EPB41L2: variants seen among roughly 807,000 people sequenced by gnomAD.
EPB41L2 encodes the protein erythrocyte membrane protein band 4.1 like 2, also known as band 4.1-like protein 2.
Under a neutral mutation model 113.0 loss-of-function variants are expected in EPB41L2, and 43 were observed. That is an observed-to-expected ratio of 0.38 (90% CI 0.30 to 0.49). The LOEUF is 0.49. EPB41L2 is among the 20% of genes least tolerant of loss of function. EPB41L2 has a pLI of 0.95. For missense variants in EPB41L2, 1,147 were observed against 1,223.4 expected (o/e 0.94, Z 0.93); for synonymous variants, 442 against 436.7 (o/e 1.01, Z -0.15).
intron 1 of EPB41L2, among the ~76,000 whole-genome samples, chr6:131,057,833 C>G (rs1797884426): frequency 6.6e-6 from 1 of 152,212 alleles, no homozygotes; most frequent in African/African-American, 2.4e-5. Flanking sequence ...ACTACCCTAC[C>G]TGACCTAGGC....
At chr6:130,926,416 A>C (rs1804753299) in intron 4 of EPB41L2, among the ~76,000 whole-genome samples, 189 bp downstream of exon 4, 3 of 152,212 alleles carry the variant, frequency 2.0e-5, no homozygotes, top group Non-Finnish European at 4.4e-5. Flanking sequence ...ACACAAATAC[A>C]CATACACCAA....
intron 1 of EPB41L2, among the ~76,000 whole-genome samples, chr6:130,977,234 C>A (rs565098792): frequency 1.3e-5 from 2 of 152,268 alleles, no homozygotes; most frequent in East Asian, 3.9e-4. Context: ...CTACATATGA[C>A]TGAGCAAAAT....
At chr6:130,883,783 T>C (rs1293101187) in intron 12 of EPB41L2, among the ~76,000 whole-genome samples, 1 of 152,156 alleles carries the variant, frequency 6.6e-6, no homozygotes, top group Non-Finnish European at 1.5e-5. Context: ...TTATCTGAAT[T>C]CCCCACCAAA....
chr6:131,056,226 A>G (rs1349636963), intron 1 of EPB41L2, among the ~76,000 whole-genome samples: 1 of 152,232 alleles, frequency 6.6e-6, no homozygotes, highest in Non-Finnish European at 1.5e-5. Context: ...AAACATTGTC[A>G]ACAAAAATTC....
intron 19 of EPB41L2, among the ~76,000 whole-genome samples, chr6:130,841,668 A>T (rs753237691): frequency 1.6e-4 from 24 of 152,202 alleles, no homozygotes; most frequent in Non-Finnish European, 2.5e-4. Context: ...GAATAATCAG[A>T]GTGTGGTGGT....
chr6:130,957,406 A>G (rs1236889240), intron 1 of EPB41L2, among the ~76,000 whole-genome samples: 1 of 152,242 alleles, frequency 6.6e-6, no homozygotes, highest in Non-Finnish European at 1.5e-5. Context: ...CTGCGGAGAT[A>G]GCCGATCACA....
At chr6:130,847,607 A>G (rs371615756) in intron 19 of EPB41L2, among the ~76,000 whole-genome samples, 15 of 152,132 alleles carry the variant, frequency 9.9e-5, no homozygotes, top group African/African-American at 3.6e-4. Flanking sequence ...TCATCTGCCA[A>G]TTTTCTTGTT....
chr6:130,935,332 T>G (rs1808430644), intron 3 of EPB41L2, among the ~76,000 whole-genome samples: 1 of 152,178 alleles, frequency 6.6e-6, no homozygotes, highest in African/African-American at 2.4e-5. Context: ...ACTTGTTATA[T>G]AAGTAAGGCC....
chr6:130,862,321 G>A (rs531343342), intron 18 of EPB41L2, among the ~76,000 whole-genome samples: 4 of 152,252 alleles, frequency 2.6e-5, no homozygotes, highest in East Asian at 3.9e-4. Flanking sequence ...AAGAAACAAT[G>A]GCTGGGAGAA....
chr6:131,047,356 T>A (rs546796790), intron 1 of EPB41L2, among the ~76,000 whole-genome samples: 11 of 152,162 alleles, frequency 7.2e-5, no homozygotes, highest in Admixed American at 5.9e-4. Context: ...CTAAAAAAAA[T>A]ATTTAAAAAT....
intron 19 of EPB41L2, 59 bp downstream of exon 19, chr6:130,858,072 C>A (rs1221197229): frequency 7.0e-6 from 9 of 1,293,634 alleles, no homozygotes; most frequent in Non-Finnish European, 1.0e-5. Context: ...CATCCTTTCA[C>A]AAGTTCAGGA....
intron 1 of EPB41L2, among the ~76,000 whole-genome samples, chr6:130,980,091 T>C (rs573815022): frequency 6.6e-6 from 1 of 152,174 alleles, no homozygotes; most frequent in Admixed American, 6.5e-5. Flanking sequence ...CAAGGGCAGA[T>C]TGCTTCAGGG....
At position 130,926,653 on chromosome 6, in the gene EPB41L2, C is replaced by T; in HGVS notation, c.762G>A (p.Leu254=). The T allele has an allele frequency of 6.2e-7, 1 of 1,610,156 alleles. No individual in the cohort carries two copies. Among genetic ancestry groups the T allele is most frequent in the Non-Finnish European group, 8.5e-7 (1 of 1,179,140 alleles). The change falls in exon 4 of 20, where the codon TTG becomes TTA. Residue 254 remains leucine, a synonymous_variant. Transcript: ENST00000337057. Reference sequence around the variant, plus strand: ...ACAAAAGTCCAAAGTAGTCTTTCTCCAAGAGATTGAGGTGTTCACACACTT... The same window carrying T: ...ACAAAAGTCCAAAGTAGTCTTTCTCTAAGAGATTGAGGTGTTCACACACTT... ...FDKVCEHLNL[L]EKDYFGLLFQ... is the part of the protein sequence containing the mutation.
rs1788869944 is a variant in EPB41L2, at chr6:130,880,241, C to T, written c.1834-35G>A. The stretch of plus-strand genomic sequence containing the variant: ...TAAATCACACACAGGGGGGAAAAGG[C>T]AAATAAACATAAGTGTATCAATCAG... On this transcript the variant is annotated intron_variant, in intron 12 of 19. Transcript: ENST00000337057. 6.1e-6 allele frequency: 9 copies of T among 1,464,896 alleles called. No individual in the cohort carries two copies. The East Asian group carries it at 1.8e-4, about 30-fold the overall frequency. The allele number at this position is 1,464,896 out of a possible 1,614,324, so 90.7% of individuals were successfully genotyped here. A position where few individuals can be genotyped will look rare whatever the true frequency, so the allele number is the denominator to read the frequency against.
At chr6:130,844,721 A>G (rs1161827894) in intron 19 of EPB41L2, among the ~76,000 whole-genome samples, 1 of 152,066 alleles carries the variant, frequency 6.6e-6, no homozygotes, top group African/African-American at 2.4e-5. Flanking sequence ...TTTGATTTTA[A>G]TTTCTAAACA....
chr6:130,850,071 C>T (rs898566004), intron 19 of EPB41L2, among the ~76,000 whole-genome samples: 2 of 152,088 alleles, frequency 1.3e-5, no homozygotes, highest in Admixed American at 1.3e-4. Context: ...AACCCCGTCT[C>T]TACTAAAAAT....
intron 1 of EPB41L2, among the ~76,000 whole-genome samples, chr6:131,039,462 T>A (rs1338571660): frequency 6.6e-6 from 1 of 152,226 alleles, no homozygotes; most frequent in Non-Finnish European, 1.5e-5. Context: ...AACAGTTTTA[T>A]AGGTAGTAAA....
intron 1 of EPB41L2, among the ~76,000 whole-genome samples, chr6:131,026,913 A>T (rs1007188103): frequency 6.6e-6 from 1 of 152,060 alleles, no homozygotes; most frequent in Non-Finnish European, 1.5e-5. Flanking sequence ...AATGTTTCCC[A>T]GACTTCTTCC....
intron 1 of EPB41L2, among the ~76,000 whole-genome samples, chr6:130,979,492 CAAAAAAAA>C (rs34912861): frequency 2.8e-4 from 24 of 85,308 alleles, no homozygotes; most frequent in Non-Finnish European, 4.4e-4. Flanking sequence ...GAGACTCTGT[CAAAAAAAA>C]AAAAAAAAAA....
Sources: allele counts gnomAD v4.1 joint callset (sites outside exome capture counted in the v4.1 genomes callset), GRCh38; gene constraint gnomAD v4.1.1; transcripts MANE v1.5; gene names NCBI Gene and HGNC (gene_info 2026-07-23, HGNC 2026-07-21).